SORCS3: variants seen among roughly 807,000 people sequenced by gnomAD.
SORCS3 encodes VPS10 domain-containing receptor SorCS3.
A neutral mutation model predicts 146.3 loss-of-function variants in SORCS3; 57 were observed. That is an observed-to-expected ratio of 0.39 (90% CI 0.31 to 0.49). SORCS3 has a LOEUF of 0.49. Ranked by LOEUF, SORCS3 falls within the 20% of genes least tolerant of loss-of-function variation. The probability of loss-of-function intolerance (pLI) is 0.92; values close to 1 mark genes in which losing one functional copy is unlikely to be tolerated. For missense variants in SORCS3, 1,341 were observed against 1,575.5 expected (o/e 0.85, Z 2.52); for synonymous variants, 653 against 618.5 (o/e 1.06, Z -0.83).
At chr10:105,246,405 T>C (rs2056866812) in intron 21 of SORCS3, among the ~76,000 whole-genome samples, 1 of 150,408 alleles carries the variant, frequency 6.6e-6, no homozygotes, top group African/African-American at 2.4e-5. Context: ...ATTTCATTTC[T>C]TCATTTCTTC....
At chr10:105,042,722 G>A (rs2055345465) in intron 4 of SORCS3, among the ~76,000 whole-genome samples, 1 of 152,120 alleles carries the variant, frequency 6.6e-6, no homozygotes, top group Non-Finnish European at 1.5e-5. Context: ...TCATATATCA[G>A]CTGATGAGCA....
rs545100911 is a variant in SORCS3, at chr10:105,143,695, C to A, written c.1303-3922C>A. 5.9e-5 allele frequency among the ~76,000 whole-genome samples: 9 copies of A among 152,230 alleles called. No individual in the cohort carries two copies. In the East Asian group the frequency reaches 1.7e-3, roughly 29 times the overall value. On this transcript the variant is annotated intron_variant, in intron 8 of 26. Transcript: ENST00000369701. ...TCTAATGAAAGAGACAGACATCAAA[C>A]AAATAATTACATAAGAGACTATTTA... is the stretch of plus-strand genomic sequence containing the variant.
At chr10:105,130,600 A>G (rs2056011865) in intron 7 of SORCS3, among the ~76,000 whole-genome samples, 1 of 152,084 alleles carries the variant, frequency 6.6e-6, no homozygotes, top group Non-Finnish European at 1.5e-5. Context: ...ACACACCCAG[A>G]GCAATATTGG....
intron 5 of SORCS3, among the ~76,000 whole-genome samples, chr10:105,077,220 A>G (rs762979586): frequency 6.6e-5 from 10 of 152,208 alleles, no homozygotes; most frequent in Non-Finnish European, 1.5e-4. Flanking sequence ...AAGTTACATG[A>G]AAAGTACTTA....
At chr10:105,075,905 G>A (rs2055585929) in intron 5 of SORCS3, among the ~76,000 whole-genome samples, 1 of 152,190 alleles carries the variant, frequency 6.6e-6, no homozygotes, top group African/African-American at 2.4e-5. Flanking sequence ...CAGTATGAAC[G>A]TGGTCAGAAT....
rs143206447 is a variant in SORCS3, at chr10:104,931,344, G to T, written c.795+15412G>T. Among the ~76,000 whole-genome samples the T allele has an allele frequency of 2.5e-3, 385 of 152,264 alleles. 2 individuals are homozygous for T. Among genetic ancestry groups the T allele is most frequent in the Middle Eastern group, 0.014 (4 of 294 alleles). On this transcript the variant is annotated intron_variant, in intron 3 of 26. Transcript: ENST00000369701. ...GTAGCTACAGAAGACCCTGACATTAGGGCGCTTTGAGATTCTCTTATCTTT... is the reference window on the plus strand; with the variant it reads ...GTAGCTACAGAAGACCCTGACATTATGGCGCTTTGAGATTCTCTTATCTTT...
chr10:105,252,895 G>A lies in SORCS3; in HGVS notation c.3226G>A (p.Asp1076Asn). 3 of 1,613,560 alleles carry A rather than the reference G, an allele frequency of 1.9e-6. No individual in the cohort carries two copies. The highest frequency in any genetic ancestry group is 2.5e-6 in the Non-Finnish European group (3 of 1,179,768). ...AGAGAGGAGGAAAGGCAATGAAGGG[G>A]ACCTGGAACAAGTAAGTGAAAGTAA... Reference protein sequence around the residue: ...LTERRKGNEGDLEQIVETLFN... With the variant: ...LTERRKGNEGNLEQIVETLFN... Residue 1076 changes from aspartate (D) to asparagine (N), a missense_variant, in exon 23 of 27, where the codon GAC becomes AAC. Coordinates refer to ENST00000369701, the MANE Select transcript of SORCS3 (RefSeq NM_014978.3).
chr10:104,963,134 G>T (rs2054805640), intron 3 of SORCS3, among the ~76,000 whole-genome samples: 1 of 152,194 alleles, frequency 6.6e-6, no homozygotes, highest in African/African-American at 2.4e-5. Context: ...ACCTACAGGT[G>T]CATAAACCTT....
At chr10:104,917,713 T>G (rs906821328) in intron 3 of SORCS3, among the ~76,000 whole-genome samples, 69 of 152,226 alleles carry the variant, frequency 4.5e-4, no homozygotes, top group African/African-American at 1.6e-3. Flanking sequence ...TCTTTTAGAT[T>G]CCACATATGC....
chr10:104,984,739 C>T (rs957259458), intron 4 of SORCS3, among the ~76,000 whole-genome samples: 1 of 151,998 alleles, frequency 6.6e-6, no homozygotes, highest in Non-Finnish European at 1.5e-5. Flanking sequence ...AGTTCCAGGC[C>T]ACTAAAATGA....
At chr10:105,031,362 C>CACACAA (rs1045650497) in intron 4 of SORCS3, among the ~76,000 whole-genome samples, 13 of 143,806 alleles carry the variant, frequency 9.0e-5, no homozygotes, top group African/African-American at 3.5e-4. Context: ...CACACACACA[C>CACACAA]AAAAACATGT....
At chr10:104,700,308 C>A (rs1355998687) in intron 1 of SORCS3, among the ~76,000 whole-genome samples, 3 of 152,170 alleles carry the variant, frequency 2.0e-5, no homozygotes, top group East Asian at 1.9e-4. Flanking sequence ...ATGGCTGGAG[C>A]CAGAGAGGCT....
Position 105,082,189 on chromosome 10 carries a change from C to T in SORCS3, c.1029-7586C>T, listed in dbSNP as rs760136530. ...CACTGGGGAGGAGACCAGATTGTTA[C>T]AGGAGCCTTGTGAAGAGTTGGTTCC... On this transcript the variant is annotated intron_variant, in intron 5 of 26. Transcript: ENST00000369701. 2.0e-5 allele frequency among the ~76,000 whole-genome samples: 3 copies of T among 152,196 alleles called. No homozygotes were observed. In the East Asian group the frequency reaches 5.8e-4, roughly 29 times the overall value.
At chr10:105,185,264 A>G (rs1393056276) in intron 14 of SORCS3, among the ~76,000 whole-genome samples, 1 of 152,186 alleles carries the variant, frequency 6.6e-6, no homozygotes, top group Non-Finnish European at 1.5e-5. Flanking sequence ...AATTCCTTTC[A>G]TGGGGCTCAC....
chr10:104,817,443 C>G (rs1589510320), intron 1 of SORCS3, among the ~76,000 whole-genome samples: 1 of 94,752 alleles, frequency 1.1e-5, no homozygotes, highest in African/African-American at 4.1e-5. Flanking sequence ...TTCCTCCTCC[C>G]CCTTCTCCTT....
At chr10:105,032,347 C>T (rs919774982) in intron 4 of SORCS3, among the ~76,000 whole-genome samples, 9 of 152,206 alleles carry the variant, frequency 5.9e-5, no homozygotes, top group Middle Eastern at 6.8e-3. Context: ...GAAGTGTGGA[C>T]GGAAATCACC....
intron 4 of SORCS3, among the ~76,000 whole-genome samples, chr10:105,001,051 G>T (rs1258173103): frequency 2.0e-5 from 3 of 152,168 alleles, no homozygotes; most frequent in African/African-American, 2.4e-5. Flanking sequence ...CAAAATGTTT[G>T]TTGGGAGATG....
At chr10:104,835,804 C>G (rs2018059166) in intron 1 of SORCS3, among the ~76,000 whole-genome samples, 1 of 152,190 alleles carries the variant, frequency 6.6e-6, no homozygotes, top group Non-Finnish European at 1.5e-5. Flanking sequence ...ACTAGAAGCT[C>G]TTGTCTTCTG....
chr10:104,805,086 T>C (rs990127352), intron 1 of SORCS3, among the ~76,000 whole-genome samples: 5 of 152,182 alleles, frequency 3.3e-5, no homozygotes, highest in Non-Finnish European at 5.9e-5. Flanking sequence ...TGAACACCCA[T>C]CTGTCACTCA....
Sources: gnomAD v4.1 joint callset for allele counts (sites outside exome capture counted in the v4.1 genomes callset) on GRCh38, gnomAD v4.1.1 for gene constraint, MANE v1.5 for transcripts, NCBI Gene and HGNC (gene_info 2026-07-23, HGNC 2026-07-21) for gene names.